The following FBN1 variants were observed in gnomAD, a reference collection of about 807,000 sequenced individuals.
FBN1 encodes the protein fibrillin-1.
A neutral mutation model predicts 365.1 loss-of-function variants in FBN1; 29 were observed. The ratio of observed to expected loss-of-function variants is 0.08; its 90% CI spans 0.06 to 0.11. The LOEUF is 0.11. Among genes scored for constraint, FBN1 ranks in the 10% least tolerant of loss-of-function variants. The pLI is 1.00. For missense variants in FBN1, 2,476 were observed against 3,703.2 expected, an observed-to-expected ratio of 0.67 and a Z score of 8.60; for synonymous variants, 1,210 against 1,270.5, an observed-to-expected ratio of 0.95 and a Z score of 1.01.
chr15:48,508,025 G>T (rs1054551081), intron 15 of FBN1, among the ~76,000 whole-genome samples: 4 of 152,042 alleles, frequency 2.6e-5, no homozygotes, highest in African/African-American at 4.8e-5. Flanking sequence ...AATGGTTCTT[G>T]GTTGTTTATT....
At chr15:48,423,415 G>C (rs997248567) in intron 60 of FBN1, among the ~76,000 whole-genome samples, 2 of 152,114 alleles carry the variant, frequency 1.3e-5, no homozygotes, top group Non-Finnish European at 1.5e-5. Context: ...CCTGTCCTGT[G>C]CTCTTTCCAC....
intron 63 of FBN1, among the ~76,000 whole-genome samples, chr15:48,417,286 T>C (rs923464159): frequency 2.6e-5 from 4 of 152,154 alleles, no homozygotes; most frequent in Non-Finnish European, 5.9e-5. Flanking sequence ...ATAAAAGTGG[T>C]GGGGAAGGAT....
At chr15:48,524,757 A>T (rs1315498032) in intron 9 of FBN1, among the ~76,000 whole-genome samples, 1 of 152,132 alleles carries the variant, frequency 6.6e-6, no homozygotes, top group African/African-American at 2.4e-5. Flanking sequence ...ACCTCTCTCA[A>T]TCTCAGCTGC....
intron 14 of FBN1, among the ~76,000 whole-genome samples, chr15:48,509,084 T>C (rs977962299): frequency 6.6e-6 from 1 of 152,216 alleles, no homozygotes; most frequent in African/African-American, 2.4e-5. Flanking sequence ...GCTCTGAATA[T>C]GAACATAAGT....
intron 2 of FBN1, among the ~76,000 whole-genome samples, chr15:48,640,821 C>G (rs1890184737): frequency 6.6e-6 from 1 of 152,100 alleles, no homozygotes; most frequent in Non-Finnish European, 1.5e-5. Context: ...GTAATATTTC[C>G]TTACTTGGGA....
chr15:48,589,442 C>T (rs188666029), intron 6 of FBN1, among the ~76,000 whole-genome samples: 1 of 152,004 alleles, frequency 6.6e-6, no homozygotes, highest in African/African-American at 2.4e-5. Flanking sequence ...AGTTACCCAG[C>T]CACAAAAAAA....
Position 48,411,114 on chromosome 15 carries a change from A to C in FBN1, c.8492T>G (p.Ile2831Ser), listed in dbSNP as rs1555393523. 6.2e-7 allele frequency: 1 copy of C among 1,614,106 alleles called. No individual in the cohort carries two copies. The highest frequency in any genetic ancestry group is 8.5e-7 in the Non-Finnish European group (1 of 1,180,014). The change falls in exon 66 of 66, where the codon ATC becomes AGC. Residue 2831 changes from isoleucine to serine, a missense_variant. By Grantham distance (142) the Ile-to-Ser change is moderately radical. Coordinates refer to ENST00000316623, the MANE Select transcript of FBN1 (RefSeq NM_000138.5). ...KPVAGTYSLQISSTPLYKKKE... is the reference protein window; with the variant it reads ...KPVAGTYSLQSSSTPLYKKKE... ...CTTTTTATAAAGTGGAGTACTACTG[A>C]TTTGTAATGAATAGGTTCCAGCCAC...
intron 6 of FBN1, among the ~76,000 whole-genome samples, chr15:48,585,879 G>T (rs1463849361): frequency 6.6e-6 from 1 of 152,050 alleles, no homozygotes; most frequent in Non-Finnish European, 1.5e-5. Flanking sequence ...ATTAATAGAT[G>T]ATTTATGTTT....
At chr15:48,444,961 C>T (rs2043142221) in intron 48 of FBN1, among the ~76,000 whole-genome samples, 1 of 151,204 alleles carries the variant, frequency 6.6e-6, no homozygotes, top group Non-Finnish European at 1.5e-5. Context: ...GATATGAGAG[C>T]TTACTACAAA....
intron 54 of FBN1, among the ~76,000 whole-genome samples, chr15:48,433,695 T>C (rs559352324): frequency 6.6e-6 from 1 of 152,338 alleles, no homozygotes; most frequent in East Asian, 1.9e-4. Flanking sequence ...AACTATCATG[T>C]TGCTCCCCAA....
At chr15:48,442,337 C>T (rs1196797217) in intron 49 of FBN1, among the ~76,000 whole-genome samples, 1 of 152,090 alleles carries the variant, frequency 6.6e-6, no homozygotes, top group African/African-American at 2.4e-5. Context: ...TGCTATAGCC[C>T]TAAAACTGTG....
chr15:48,483,332 C>T (rs2043481039), intron 31 of FBN1, among the ~76,000 whole-genome samples: 1 of 152,150 alleles, frequency 6.6e-6, no homozygotes, highest in East Asian at 1.9e-4. Context: ...AAAACTACAA[C>T]ATCTGAGATG....
chr15:48,525,148 G>A lies in FBN1; in HGVS notation c.988+982C>T, dbSNP rs544006956. Among the ~76,000 whole-genome samples the A allele has an allele frequency of 3.1e-3, 469 of 151,312 alleles. 4 individuals carry two copies. Among genetic ancestry groups the A allele is most frequent in the African/African-American group, 0.011 (440 of 41,102 alleles). Reference sequence around the variant, plus strand: ...ATCGCCCAGGCTGGAGTGCAGTGGCGTGATCTCAGCTCACTGGAACCTCCA... The same window carrying A: ...ATCGCCCAGGCTGGAGTGCAGTGGCATGATCTCAGCTCACTGGAACCTCCA... On this transcript the variant is annotated intron_variant, in intron 9 of 65. Transcript: ENST00000316623.
chr15:48,438,308 T>G (rs1004783298), intron 50 of FBN1, among the ~76,000 whole-genome samples: 1 of 152,190 alleles, frequency 6.6e-6, no homozygotes, highest in African/African-American at 2.4e-5. Flanking sequence ...AATATCATGT[T>G]TAATGAGCAC....
chr15:48,582,948 G>A (rs971611423), intron 6 of FBN1, among the ~76,000 whole-genome samples: 1 of 152,174 alleles, frequency 6.6e-6, no homozygotes, highest in African/African-American at 2.4e-5. Flanking sequence ...TCTGGGAAGA[G>A]TCTCATGGTC....
rs1597522584 is a variant in FBN1 at position 48,432,988 on chromosome 15, T to C, written c.6617A>G (p.Asp2206Gly). ...AGGATTCTGGGCACATTCATTTATA[T>C]CTGCAGCAGAGGAGAGTAAGTAAAT... ...FEPGPMMTCE[D>G]INECAQNPLL... is the part of the protein sequence containing the mutation. The change falls in exon 55 of 66, where the codon GAT (aspartate) becomes GGT (glycine). Residue 2206 changes from aspartate to glycine, a missense_variant and splice_region_variant. By Grantham distance (94) the Asp-to-Gly change is moderately conservative (BLOSUM62 -1). Transcript: ENST00000316623. 6.2e-7 allele frequency: 1 copy of C among 1,613,458 alleles called. No individual in the cohort carries two copies. The highest frequency in any genetic ancestry group is 8.5e-7 in the Non-Finnish European group (1 of 1,179,538).
chr15:48,527,350 G>C (rs189938362), intron 8 of FBN1, among the ~76,000 whole-genome samples: 10 of 152,210 alleles, frequency 6.6e-5, no homozygotes, highest in Admixed American at 6.5e-4. Flanking sequence ...CAACAGATAC[G>C]GCACCAGCAG....
intron 58 of FBN1, among the ~76,000 whole-genome samples, chr15:48,427,212 T>A (rs897034687): frequency 6.6e-6 from 1 of 152,242 alleles, no homozygotes; most frequent in Non-Finnish European, 1.5e-5. Context: ...GAGTTCCACA[T>A]CTTGGTGGAC....
intron 6 of FBN1, among the ~76,000 whole-genome samples, chr15:48,565,386 A>T (rs994385747): frequency 2.0e-5 from 3 of 152,206 alleles, no homozygotes; most frequent in Non-Finnish European, 2.9e-5. Flanking sequence ...AATGAAATTC[A>T]ACTATAATCC....
Sources: allele counts gnomAD v4.1 joint callset (sites outside exome capture counted in the v4.1 genomes callset), GRCh38; gene constraint gnomAD v4.1.1; transcripts MANE v1.5; gene names NCBI Gene and HGNC (gene_info 2026-07-23, HGNC 2026-07-21).